Variants in ZNF532 observed in about 807,000 individuals in gnomAD.
ZNF532 encodes zinc finger protein 532.
A neutral mutation model predicts 89.3 loss-of-function variants in ZNF532; 22 were observed. The ratio of observed to expected loss-of-function variants is 0.25; its 90% confidence interval spans 0.18 to 0.35. The LOEUF is 0.35. Ranked by LOEUF, ZNF532 falls within the 10% of genes least tolerant of loss-of-function variation. The pLI is 1.00. For missense variants in ZNF532, 1,132 were observed against 1,643.4 expected (o/e 0.69, Z 5.38); for synonymous variants, 606 against 649.6 (o/e 0.93, Z 1.02).
In ZNF532 at chr18:58,918,719, T is replaced by G; in HGVS notation, c.432T>G (p.Ile144Met). The change falls in exon 3 of 10, where the codon ATT becomes ATG. Residue 144 changes from isoleucine (I) to methionine (M), a missense_variant. By Grantham distance (10) the Ile-to-Met change is conservative. This residue lies in a region of ZNF532 where 302 missense variants were observed against 319.8 expected (regional missense o/e 0.94). Coordinates refer to ENST00000591808, the MANE Select transcript of ZNF532 (RefSeq NM_001375912.1). ...AAGAGTTTGATGACGACGAGAAGAT[T>G]GAGGTGGATGACCCCCCTGACAAGG... ...SAEEFDDDEKIEVDDPPDKED... is the reference protein window; with the variant it reads ...SAEEFDDDEKMEVDDPPDKED... 1 of 1,614,032 alleles carries G rather than the reference T, an allele frequency of 6.2e-7. No individual in the cohort carries two copies. The highest frequency in any genetic ancestry group is 8.5e-7 in the Non-Finnish European group (1 of 1,180,002).
chr18:58,876,481 G>A lies in ZNF532; in HGVS notation c.-18+10902G>A, dbSNP rs73437993. Reference sequence around the variant, plus strand: ...CTTACCCTCTAGCTTGGCATGTGATGCTAGCAGGGAGCAGACATGGGGGCC... The same window carrying A: ...CTTACCCTCTAGCTTGGCATGTGATACTAGCAGGGAGCAGACATGGGGGCC... On this transcript the variant is annotated intron_variant, in intron 2 of 9. Coordinates refer to ENST00000591808, the MANE Select transcript of ZNF532 (RefSeq NM_001375912.1). Among the ~76,000 whole-genome samples the A allele has an allele frequency of 5.6e-3, 853 of 152,306 alleles. 9 individuals carry two copies. The highest frequency in any genetic ancestry group is 0.02 in the African/African-American group (828 of 41,564).
At chr18:58,940,413 T>C (rs1901177514) in intron 5 of ZNF532, 1 of 152,160 alleles carries the variant, frequency 6.6e-6, no homozygotes, top group Non-Finnish European at 1.5e-5. Context: ...TGCTCTTAAT[T>C]TGATTGATTT....
At chr18:58,893,662 A>AG (rs959211725) in intron 2 of ZNF532, among the ~76,000 whole-genome samples, 6 of 151,862 alleles carry the variant, frequency 4.0e-5, no homozygotes, top group African/African-American at 1.2e-4. Flanking sequence ...GTCTCAAAAA[A>AG]AAAAAAAAAG....
intron 2 of ZNF532, among the ~76,000 whole-genome samples, chr18:58,909,232 C>T (rs1027401740): frequency 9.9e-5 from 15 of 152,136 alleles, no homozygotes; most frequent in Non-Finnish European, 1.8e-4. Context: ...GGATTATAGG[C>T]GTGAGCCACC....
chr18:58,886,290 A>C (rs1397176792), intron 2 of ZNF532, among the ~76,000 whole-genome samples: 5 of 152,084 alleles, frequency 3.3e-5, no homozygotes, highest in African/African-American at 9.7e-5. Context: ...CCTTTCATTC[A>C]ATTTTATGTA....
In ZNF532 at chr18:58,981,544, T is replaced by C; in HGVS notation, c.3338T>C (p.Ile1113Thr). 6.2e-7 allele frequency: 1 copy of C among 1,614,140 alleles called. No individual in the cohort carries two copies. The highest frequency in any genetic ancestry group is 8.5e-7 in the Non-Finnish European group (1 of 1,180,008). Residue 1113 changes from isoleucine (I) to threonine (T), a missense_variant, in exon 9 of 10, where the codon ATC becomes ACC. Ile to Thr is a moderately conservative substitution (Grantham distance 89). Around this residue, in one of 9 missense-constraint regions of ZNF532, gnomAD observed 415 missense variants for 604.8 expected, o/e 0.69. Coordinates refer to ENST00000591808, the MANE Select transcript of ZNF532 (RefSeq NM_001375912.1). ...LEKHVQLMHG[I>T]KDPDLKEMTD... The stretch of plus-strand genomic sequence containing the variant: ...AAGCACGTCCAGCTGATGCATGGCA[T>C]CAAGGACCCTGACCTGAAAGAAATG...
At chr18:58,976,829 A>G (rs1008654770) in intron 7 of ZNF532, among the ~76,000 whole-genome samples, 1 of 152,178 alleles carries the variant, frequency 6.6e-6, no homozygotes, top group African/African-American at 2.4e-5. Context: ...GTTGATTTTT[A>G]TATGTAGAAA....
At chr18:58,868,400 A>G (rs930523568) in intron 2 of ZNF532, among the ~76,000 whole-genome samples, 4 of 152,220 alleles carry the variant, frequency 2.6e-5, no homozygotes, top group Non-Finnish European at 5.9e-5. Context: ...GCATATGTGT[A>G]GAGTCACTTA....
At chr18:58,883,703 GA>G (rs1343532516) in intron 2 of ZNF532, among the ~76,000 whole-genome samples, 2 of 152,260 alleles carry the variant, frequency 1.3e-5, no homozygotes, top group African/African-American at 4.8e-5. Flanking sequence ...TGGTTGTGGG[GA>G]GGGCTGTCCT....
intron 2 of ZNF532, among the ~76,000 whole-genome samples, chr18:58,873,121 C>T (rs932295084): frequency 6.1e-5 from 9 of 148,634 alleles, no homozygotes; most frequent in African/African-American, 2.2e-4. Flanking sequence ...GATCCTCCTA[C>T]CTTGGCCTCC....
chr18:58,980,487 A>C (rs2067627439), intron 8 of ZNF532: 1 of 152,088 alleles, frequency 6.6e-6, no homozygotes. Flanking sequence ...AAGTGTCTCT[A>C]ATGTGAGGTC....
intron 7 of ZNF532, among the ~76,000 whole-genome samples, chr18:58,967,891 C>T (rs1436565466): frequency 1.3e-5 from 2 of 152,180 alleles, no homozygotes; most frequent in African/African-American, 2.4e-5. Flanking sequence ...AGTGCAGGCT[C>T]ATTAAACATG....
intron 3 of ZNF532, among the ~76,000 whole-genome samples, chr18:58,922,376 G>A (rs563735361): frequency 6.6e-6 from 1 of 152,122 alleles, no homozygotes; most frequent in Non-Finnish European, 1.5e-5. Context: ...AGAATACCCC[G>A]GTAATTTTTT....
At chr18:58,898,540 A>G (rs2145580357) in intron 2 of ZNF532, among the ~76,000 whole-genome samples, 1 of 152,332 alleles carries the variant, frequency 6.6e-6, no homozygotes, top group African/African-American at 2.4e-5. Flanking sequence ...ACCAGAGTCT[A>G]ACAGACAGCC....
chr18:58,985,894 A>G lies in ZNF532; in HGVS notation c.*1428A>G, dbSNP rs1442099946. The stretch of plus-strand genomic sequence containing the variant: ...CTGTCAGGTGTTATGCACTCCATCC[A>G]TCATAACTGTATGAAACACATTTCA... On this transcript the variant is annotated 3_prime_UTR_variant, in exon 10 of 10. Transcript: ENST00000591808. 1 of 151,624 alleles carries G rather than the reference A, an allele frequency of 6.6e-6. No individual in the cohort carries two copies. The highest frequency in any genetic ancestry group is 1.5e-5 in the Non-Finnish European group (1 of 67,950). 9.4% of individuals were successfully genotyped at this position (151,624 alleles called of 1,614,324 possible).
At chr18:58,946,661 C>G (rs1317253669) in intron 5 of ZNF532, among the ~76,000 whole-genome samples, 2 of 152,108 alleles carry the variant, frequency 1.3e-5, no homozygotes, top group Admixed American at 1.3e-4. Flanking sequence ...AAGTGAACAT[C>G]TTTGTCACAC....
chr18:58,977,359 C>G (rs1418690159), intron 7 of ZNF532: 3 of 152,160 alleles, frequency 2.0e-5, no homozygotes, highest in African/African-American at 4.8e-5. Flanking sequence ...GGCACTGTTG[C>G]AAGCCCACCT....
chr18:58,879,757 G>C (rs1424851159), intron 2 of ZNF532, among the ~76,000 whole-genome samples: 4 of 152,134 alleles, frequency 2.6e-5, no homozygotes, highest in Non-Finnish European at 1.5e-5. Context: ...GTTGGCCAAC[G>C]ATTGTTTTTT....
chr18:58,965,203 A>G (rs556972813), intron 7 of ZNF532, among the ~76,000 whole-genome samples: 8 of 152,274 alleles, frequency 5.3e-5, no homozygotes, highest in Non-Finnish European at 1.0e-4. Context: ...TAAAGTACAT[A>G]TTGAACTATT....
Sources: allele counts gnomAD v4.1 joint callset (sites outside exome capture counted in the v4.1 genomes callset), GRCh38; gene constraint gnomAD v4.1.1; regional missense constraint gnomAD v4.1.1; transcripts MANE v1.5; gene names NCBI Gene and HGNC (gene_info 2026-07-23, HGNC 2026-07-21).